The following ZNF365 variants were observed in gnomAD, a reference collection of about 807,000 sequenced individuals.
The protein encoded by ZNF365 is zinc finger protein 365, also known as protein ZNF365.
In ZNF365, 22 loss-of-function variants were observed where a neutral mutation model predicts 35.0. The ratio of observed to expected loss-of-function variants is 0.63; its 90% CI spans 0.45 to 0.90. ZNF365 has a LOEUF of 0.90. Among genes scored for constraint, ZNF365 ranks in the 40% least tolerant of loss-of-function variants. The probability of loss-of-function intolerance (pLI) is 0.00; values close to 1 mark genes in which losing one functional copy is unlikely to be tolerated. For missense variants in ZNF365, 448 were observed against 500.3 expected (o/e 0.90, Z 1.00); for synonymous variants, 188 against 196.2 (o/e 0.96, Z 0.35).
intron 3 of ZNF365, among the ~76,000 whole-genome samples, chr10:62,448,861 C>A (rs1554828068): frequency 6.8e-6 from 1 of 146,282 alleles, no homozygotes; most frequent in Non-Finnish European, 1.5e-5. Context: ...AAAAGAATAA[C>A]CTCAATATTA....
chr10:62,426,083 T>C (rs1450548250), intron 3 of ZNF365, among the ~76,000 whole-genome samples: 1 of 152,124 alleles, frequency 6.6e-6, no homozygotes, highest in African/African-American at 2.4e-5. Flanking sequence ...GGTTTTATTT[T>C]TAGAACTCCA....
At chr10:62,469,295 A>G (rs1840995048) in intron 4 of ZNF365, among the ~76,000 whole-genome samples, 1 of 152,210 alleles carries the variant, frequency 6.6e-6, no homozygotes, top group African/African-American at 2.4e-5. Context: ...AACAAGGGCA[A>G]TTTTGTGAGA....
chr10:62,394,584 T>G (rs746642076), intron 3 of ZNF365, among the ~76,000 whole-genome samples: 1 of 152,220 alleles, frequency 6.6e-6, no homozygotes, highest in Non-Finnish European at 1.5e-5. Context: ...GGCACCATTT[T>G]TCAGAGCATA....
At chr10:62,430,416 G>A (rs1395107958) in intron 3 of ZNF365, among the ~76,000 whole-genome samples, 2 of 152,098 alleles carry the variant, frequency 1.3e-5, no homozygotes, top group African/African-American at 4.8e-5. Flanking sequence ...TCCTGACCTC[G>A]TGATCCACCC....
intron 3 of ZNF365, among the ~76,000 whole-genome samples, chr10:62,423,644 T>C (rs4746880): frequency 0.59 from 88,807 of 151,572 alleles, 26,512 homozygotes; most frequent in East Asian, 0.77. Context: ...AAATCCTTGC[T>C]ATGAGGGTAG....
intron 4 of ZNF365, among the ~76,000 whole-genome samples, chr10:62,462,798 T>C (rs1195698558): frequency 1.3e-5 from 2 of 152,190 alleles, no homozygotes; most frequent in Non-Finnish European, 2.9e-5. Flanking sequence ...ATTTTATGTT[T>C]CTTGAACACA....
At chr10:62,409,175 A>G (rs1288413712) in intron 3 of ZNF365, among the ~76,000 whole-genome samples, 1 of 152,178 alleles carries the variant, frequency 6.6e-6, no homozygotes, top group Non-Finnish European at 1.5e-5. Flanking sequence ...ATTAACTTAA[A>G]GAGGTAGGAT....
intron 3 of ZNF365, among the ~76,000 whole-genome samples, chr10:62,446,789 A>G (rs2132469423): frequency 6.6e-6 from 1 of 152,208 alleles, no homozygotes. Context: ...CTGGTCCTGA[A>G]ACTGCTCTTT....
At chr10:62,450,661 C>T (rs1390010536) in intron 3 of ZNF365, among the ~76,000 whole-genome samples, 1 of 152,120 alleles carries the variant, frequency 6.6e-6, no homozygotes, top group East Asian at 1.9e-4. Flanking sequence ...ACAGAACAAC[C>T]AAGACAGACA....
chr10:62,479,590 A>G (rs919757462), intron 4 of ZNF365, among the ~76,000 whole-genome samples: 2 of 152,230 alleles, frequency 1.3e-5, no homozygotes, highest in African/African-American at 2.4e-5. Context: ...CAGGAAATGG[A>G]TAAAAACAGA....
At chr10:62,453,418 A>G (rs76434485) in intron 3 of ZNF365, among the ~76,000 whole-genome samples, 2,928 of 152,334 alleles carry the variant, frequency 0.019, 40 homozygotes, top group Non-Finnish European at 0.029. Context: ...TTTCACTTAA[A>G]ATAATGGCCT....
chr10:62,466,024 G>T (rs186223663), intron 4 of ZNF365, among the ~76,000 whole-genome samples: 32 of 152,288 alleles, frequency 2.1e-4, no homozygotes, highest in African/African-American at 7.7e-4. Flanking sequence ...GGACCTGAGT[G>T]GGGCAGTGGG....
At chr10:62,419,490 A>G (rs1287548567) in intron 3 of ZNF365, among the ~76,000 whole-genome samples, 2 of 150,098 alleles carry the variant, frequency 1.3e-5, no homozygotes, top group South Asian at 2.1e-4. Flanking sequence ...GCAGGTTTTT[A>G]AAGGAAAAAA....
At chr10:62,477,589 A>G (rs1841153922) in intron 4 of ZNF365, among the ~76,000 whole-genome samples, 1 of 152,202 alleles carries the variant, frequency 6.6e-6, no homozygotes. Flanking sequence ...TGTGACTATC[A>G]GAATGAACTA....
At chr10:62,473,857 G>C (rs1376158451) in intron 4 of ZNF365, among the ~76,000 whole-genome samples, 1 of 152,166 alleles carries the variant, frequency 6.6e-6, no homozygotes. Context: ...GTTGGTATCA[G>C]GGTCGGTAAT....
intron 3 of ZNF365, among the ~76,000 whole-genome samples, chr10:62,408,255 A>T (rs1408390172): frequency 6.6e-6 from 1 of 152,176 alleles, no homozygotes; most frequent in Non-Finnish European, 1.5e-5. Context: ...AGAACTTGAA[A>T]ATAGAAAAAC....
At chr10:62,402,531 C>A, downstream of ZNF365, 1 of 861,202 alleles carries the variant, frequency 1.2e-6, no homozygotes, top group Non-Finnish European at 1.4e-6. Context: ...CAAAATGGTC[C>A]TTCCTGAATA....
intron 2 of ZNF365, among the ~76,000 whole-genome samples, chr10:62,388,176 G>T (rs1839554787): frequency 6.6e-6 from 1 of 152,132 alleles, no homozygotes; most frequent in Non-Finnish European, 1.5e-5. Context: ...ATGACCATCT[G>T]ACATATATTT....
intron 3 of ZNF365, among the ~76,000 whole-genome samples, chr10:62,390,674 G>A (rs949213893): frequency 9.9e-5 from 15 of 152,156 alleles, no homozygotes; most frequent in African/African-American, 3.6e-4. Context: ...GGGCAATTTT[G>A]TCATTGTATG....
Sources: gnomAD v4.1 joint callset for allele counts (sites outside exome capture counted in the v4.1 genomes callset) on GRCh38, gnomAD v4.1.1 for gene constraint, MANE v1.5 for transcripts, NCBI Gene and HGNC (gene_info 2026-07-23, HGNC 2026-07-21) for gene names.